The following TET3 variants were observed in gnomAD, a reference collection of about 807,000 sequenced individuals.
The protein encoded by TET3 is methylcytosine dioxygenase TET3.
TET3 carries 19 observed loss-of-function variants against 141.4 expected under a neutral mutation model. That is an observed-to-expected ratio of 0.13 (90% confidence interval 0.09 to 0.20). TET3 has a LOEUF of 0.20. TET3 is among the 10% of genes least tolerant of loss of function. The pLI is 1.00. For missense variants in TET3, 1,874 were observed against 2,356.9 expected, an observed-to-expected ratio of 0.80 and a Z score of 4.24; for synonymous variants, 1,043 against 980.9, an observed-to-expected ratio of 1.06 and a Z score of -1.18.
chr2:73,997,459 T>C (rs1340883113), intron 2 of TET3, among the ~76,000 whole-genome samples: 1 of 152,194 alleles, frequency 6.6e-6, no homozygotes, highest in Non-Finnish European at 1.5e-5. Flanking sequence ...GGCTGGGTCC[T>C]GCCTGTACTA....
At chr2:74,130,970 T>A in the TET3 span, 1 of 151,880 alleles carries the variant, frequency 6.6e-6, no homozygotes, top group Non-Finnish European at 1.5e-5. Context: ...AGTAGCCCCA[T>A]CGAGGGAAAA....
intron 3 of TET3, among the ~76,000 whole-genome samples, chr2:74,021,458 G>A (rs116037673): frequency 7.0e-4 from 107 of 152,330 alleles, no homozygotes; most frequent in African/African-American, 2.5e-3. Flanking sequence ...CATCAGCACT[G>A]ACCACTGAAT....
intron 4 of TET3, among the ~76,000 whole-genome samples, chr2:74,061,363 T>C (rs71337723): frequency 0.49 from 39,787 of 81,634 alleles, 9,831 homozygotes; most frequent in African/African-American, 0.75. Context: ...GCTGGCCGGG[T>C]GGGGGGCTGA....
At chr2:74,001,544 A>G (rs568682885) in intron 2 of TET3, among the ~76,000 whole-genome samples, 1 of 152,318 alleles carries the variant, frequency 6.6e-6, no homozygotes, top group East Asian at 1.9e-4. Context: ...CTAGGTAGTG[A>G]TGGAGCCTGG....
chr2:74,017,646 T>C (rs1685803247), intron 3 of TET3, among the ~76,000 whole-genome samples: 2 of 152,230 alleles, frequency 1.3e-5, no homozygotes, highest in African/African-American at 2.4e-5. Context: ...CATTGACTGA[T>C]ACTTCGGTCG....
chr2:74,007,612 G>A (rs1029653745), intron 3 of TET3, among the ~76,000 whole-genome samples: 1 of 152,178 alleles, frequency 6.6e-6, no homozygotes, highest in Non-Finnish European at 1.5e-5. Flanking sequence ...TGACTGAGAG[G>A]AGGAGGGTGA....
Position 74,100,739 on chromosome 2 carries a change from G to A in TET3, c.3951G>A (p.Lys1317=), listed in dbSNP as rs1263844519. 1 of 1,613,880 alleles carries A rather than the reference G, an allele frequency of 6.2e-7. No individual in the cohort carries two copies. Among genetic ancestry groups the A allele is most frequent in the Non-Finnish European group, 8.5e-7 (1 of 1,179,862 alleles). The change falls in exon 12 of 12, where the codon AAG becomes AAA. Residue 1317 remains lysine (K), a synonymous_variant. Coordinates refer to ENST00000409262, the MANE Select transcript of TET3 (RefSeq NM_001287491.2). The part of the protein sequence containing the change: ...GHSGSSGSFE[K]KPDLHALHNS... ...GTGGCAGCAGTGGCAGTTTTGAGAAGAAGCCAGACCTCCACGCTCTGCACA... is the reference window on the plus strand; with the variant it reads ...GTGGCAGCAGTGGCAGTTTTGAGAAAAAGCCAGACCTCCACGCTCTGCACA...
intron 2 of TET3, among the ~76,000 whole-genome samples, chr2:73,987,293 C>T (rs1256804945): frequency 2.0e-5 from 3 of 152,130 alleles, no homozygotes; most frequent in Non-Finnish European, 2.9e-5. Context: ...GGACCTGGCA[C>T]AATTCCTTGG....
Position 74,100,827 on chromosome 2 carries a change from A to G in TET3, c.4039A>G (p.Thr1347Ala). The change falls in exon 12 of 12, where the codon ACA becomes GCA. Residue 1347 changes from threonine (T) to alanine (A), a missense_variant. Coordinates refer to ENST00000409262, the MANE Select transcript of TET3 (RefSeq NM_001287491.2). ...FAELPSQAVPTDAHHPTPHHQ... is the reference protein window; with the variant it reads ...FAELPSQAVPADAHHPTPHHQ... ...CGAGCTGCCCAGCCAGGCTGTTCCCACAGACGCCCACCACCCCACTCCTCA... is the reference window on the plus strand; with the variant it reads ...CGAGCTGCCCAGCCAGGCTGTTCCCGCAGACGCCCACCACCCCACTCCTCA... The G allele has an allele frequency of 6.2e-7, 1 of 1,612,138 alleles. No individual in the cohort carries two copies. Among genetic ancestry groups the G allele is most frequent in the Non-Finnish European group, 8.5e-7 (1 of 1,179,290 alleles).
intron 3 of TET3, among the ~76,000 whole-genome samples, chr2:74,042,676 A>AC (rs2103639342): frequency 6.6e-6 from 1 of 152,310 alleles, no homozygotes; most frequent in South Asian, 2.1e-4. Flanking sequence ...CCTTCTGTGG[A>AC]CCTGACTCCT....
intron 4 of TET3, among the ~76,000 whole-genome samples, chr2:74,059,765 C>T (rs927727640): frequency 1.3e-5 from 2 of 151,142 alleles, no homozygotes; most frequent in Admixed American, 6.6e-5. Context: ...CCAGGCTAGT[C>T]TCCCACCTTG....
chr2:73,986,780 A>C, intron 2 of TET3, 74 bp downstream of exon 2: 2 of 1,199,416 alleles, frequency 1.7e-6, no homozygotes, highest in Non-Finnish European at 2.1e-6. Context: ...TGTTCAAGCA[A>C]GGCTCGTCCA....
At chr2:74,078,434 C>T (rs1689634165) in intron 5 of TET3, among the ~76,000 whole-genome samples, 1 of 152,274 alleles carries the variant, frequency 6.6e-6, no homozygotes, top group South Asian at 2.1e-4. Flanking sequence ...TGCTTTTTCC[C>T]CCCCACTTAA....
intron 3 of TET3, among the ~76,000 whole-genome samples, chr2:74,013,706 G>C (rs909317037): frequency 6.6e-6 from 1 of 152,086 alleles, no homozygotes. Flanking sequence ...CAGTTACTTG[G>C]GAGGCTGAGG....
chr2:74,093,948 G>C lies in TET3; in HGVS notation c.3267+282G>C, dbSNP rs7585240. Among the ~76,000 whole-genome samples, 1 of 152,208 alleles carries C rather than the reference G, an allele frequency of 6.6e-6. No individual in the cohort carries two copies. The highest frequency in any genetic ancestry group is 2.1e-4 in the South Asian group (1 of 4,824). Reference sequence around the variant, plus strand: ...CCTGGAGTGCCCAGTTATCTAAAGCGTGGGCCCCGGTCTCTGTGGACACTT... The same window carrying C: ...CCTGGAGTGCCCAGTTATCTAAAGCCTGGGCCCCGGTCTCTGTGGACACTT... On this transcript the variant is annotated intron_variant, in intron 10 of 11. Transcript: ENST00000409262. This position sits in a 1 kb window ranked among gnomAD's most constrained non-coding sequence, Gnocchi z 4.2.
At chr2:74,127,399 C>T in the TET3 span, among the ~76,000 whole-genome samples, 1 of 152,108 alleles carries the variant, frequency 6.6e-6, no homozygotes, top group African/African-American at 2.4e-5. Context: ...TCTCATCTTG[C>T]TGTTAAGTAT....
Position 74,045,389 on chromosome 2 carries a change from T to C in TET3, c.361-889T>C, listed in dbSNP as rs1687562723. 2.6e-5 allele frequency among the ~76,000 whole-genome samples: 4 copies of C among 152,234 alleles called. No individual in the cohort carries two copies. The South Asian group carries it at 6.2e-4, about 24-fold the overall frequency. ...CTTTTTAAATCCATCAGTCCTTCTG[T>C]GTTTTCTCTTAGCATTCTACAGTAA... On this transcript the variant is annotated intron_variant, in intron 3 of 11. Coordinates refer to ENST00000409262, the MANE Select transcript of TET3 (RefSeq NM_001287491.2).
intron 6 of TET3, among the ~76,000 whole-genome samples, chr2:74,086,965 A>G (rs951997350): frequency 6.6e-6 from 1 of 152,112 alleles, no homozygotes; most frequent in African/African-American, 2.4e-5. Flanking sequence ...CCCATTAACA[A>G]TAATTCTCCA....
At chr2:74,015,501 T>G (rs1216436273) in intron 3 of TET3, among the ~76,000 whole-genome samples, 1 of 152,188 alleles carries the variant, frequency 6.6e-6, no homozygotes, top group Non-Finnish European at 1.5e-5. Context: ...CCCTACTTAT[T>G]TTTGAGTAGT....
Sources: gnomAD v4.1 joint callset for allele counts (sites outside exome capture counted in the v4.1 genomes callset) on GRCh38, gnomAD v4.1.1 for gene constraint, Gnocchi (gnomAD v3.1) non-coding constraint, MANE v1.5 for transcripts, NCBI Gene and HGNC (gene_info 2026-07-23, HGNC 2026-07-21) for gene names.